CEP72: variants seen among roughly 807,000 people sequenced by gnomAD.
The protein encoded by CEP72 is centrosomal protein of 72 kDa.
In CEP72, 78 loss-of-function variants were observed where a neutral mutation model predicts 65.7. That is an observed-to-expected ratio of 1.19 (90% CI 0.99 to 1.43). The LOEUF is 1.43. Among genes scored for constraint, CEP72 ranks in the 40% most tolerant of loss-of-function variants. The pLI, the probability that CEP72 is intolerant of heterozygous loss-of-function variation, is 0.00. For missense variants in CEP72, 914 were observed against 832.9 expected (o/e 1.10, Z -1.20); for synonymous variants, 358 against 351.7 (o/e 1.02, Z -0.20).
downstream of CEP72, chr5:653,615 A>G (rs1580049877): frequency 6.5e-6 from 1 of 153,026 alleles, no homozygotes; most frequent in African/African-American, 2.4e-5. Context: ...TTTTTTATAG[A>G]ACAAGCTGTG....
chr5:673,324 C>T, the CEP72 span, among the ~76,000 whole-genome samples: 5 of 152,252 alleles, frequency 3.3e-5, no homozygotes, highest in African/African-American at 4.8e-5. Context: ...GTCAGGACCC[C>T]GTGCCAGGAT....
chr5:655,592 T>G, downstream of CEP72: 1 of 126,826 alleles, frequency 7.9e-6, no homozygotes, highest in Admixed American at 8.1e-5. This position sits in a 1 kb window ranked among gnomAD's most constrained non-coding sequence, Gnocchi z 5.0. Flanking sequence ...CCGGTGGGTG[T>G]GGGGTAGTGG....
downstream of CEP72, among the ~76,000 whole-genome samples, chr5:670,830 A>G (rs1233629619): frequency 2.0e-5 from 3 of 152,148 alleles, no homozygotes; most frequent in Admixed American, 6.5e-5. Context: ...GGCCCTGCCT[A>G]TTCTCCCCTC....
intron 4 of CEP72, among the ~76,000 whole-genome samples, chr5:628,003 C>T (rs1337630376): frequency 2.6e-5 from 4 of 152,200 alleles, no homozygotes; most frequent in African/African-American, 9.7e-5. Context: ...TCACTCGGTG[C>T]GTGCAGACAT....
At chr5:633,680 C>A (rs535993734) in intron 4 of CEP72, 89 bp from the exon 5 acceptor site, 1 of 1,262,660 alleles carries the variant, frequency 7.9e-7, no homozygotes, top group Non-Finnish European at 1.1e-6. Context: ...CTCTCAGAGA[C>A]CGTGCAGGAA....
At chr5:635,881 CCTTT>C (rs1737561571) in intron 6 of CEP72, among the ~76,000 whole-genome samples, 1 of 151,650 alleles carries the variant, frequency 6.6e-6, no homozygotes, top group Non-Finnish European at 1.5e-5. Flanking sequence ...CCAGACTCAT[CCTTT>C]ATCAGGAACC....
intron 10 of CEP72, among the ~76,000 whole-genome samples, chr5:646,049 C>T (rs1284334877): frequency 6.6e-6 from 1 of 151,396 alleles, no homozygotes; most frequent in Admixed American, 6.6e-5. Flanking sequence ...ACAGTGAATT[C>T]GGCTTCGTTA....
Position 647,852 on chromosome 5 carries a change from A to C in CEP72, c.1714A>C (p.Lys572Gln). 6.2e-7 allele frequency: 1 copy of C among 1,612,806 alleles called. No individual in the cohort carries two copies. Residue 572 changes from lysine to glutamine, a missense_variant, in exon 11 of 12, where the codon AAG becomes CAG. Coordinates refer to ENST00000264935, the MANE Select transcript of CEP72 (RefSeq NM_018140.4). ...KRLCGEIVEL[K>Q]QHLEHYDKIQ... The stretch of plus-strand genomic sequence containing the variant: ...GCTGTGTGGCGAGATTGTGGAACTG[A>C]AGCAGCACCTGGAGCACTACGACAA...
intron 9 of CEP72, 79 bp downstream of exon 9, chr5:640,683 T>C: frequency 6.7e-7 from 1 of 1,490,242 alleles, no homozygotes; most frequent in Non-Finnish European, 8.9e-7. Flanking sequence ...CGAGGGCAGC[T>C]CCTTGATGCC....
At chr5:626,346 T>G (rs552177749) in intron 4 of CEP72, among the ~76,000 whole-genome samples, 1 of 152,366 alleles carries the variant, frequency 6.6e-6, no homozygotes, top group African/African-American at 2.4e-5. Context: ...CAGCGCAGCC[T>G]TGCGCCTGCT....
intron 9 of CEP72, chr5:642,615 CT>C (rs1021648789): frequency 1.0e-6 from 1 of 985,354 alleles, no homozygotes. Flanking sequence ...TGGACGCCTG[CT>C]TTTTTGCCCT....
In CEP72 at chr5:620,226, T is replaced by A. The variant is rs369147462; in HGVS notation, c.368T>A (p.Phe123Tyr). The change falls in exon 3 of 12, where the codon TTT (phenylalanine) becomes TAT (tyrosine). Residue 123 changes from phenylalanine to tyrosine, a missense_variant. Physicochemically the swap from Phe to Tyr is conservative, Grantham distance 22 (BLOSUM62 3). Coordinates refer to ENST00000264935, the MANE Select transcript of CEP72 (RefSeq NM_018140.4). ...VVKVEPDYRL[F>Y]VVHLLPKLQQ... ...AAGGTTGAGCCTGACTACCGCCTTT[T>A]TGTTGTGCACCTGCTCCCCAAGCTC... 2 of 1,613,976 alleles carry A rather than the reference T, an allele frequency of 1.2e-6. No homozygotes were observed. Among genetic ancestry groups the A allele is most frequent in the Non-Finnish European group, 1.7e-6 (2 of 1,179,932 alleles).
downstream of CEP72, among the ~76,000 whole-genome samples, chr5:654,400 T>C (rs1285736227): frequency 6.7e-6 from 1 of 149,596 alleles, no homozygotes; most frequent in Non-Finnish European, 1.5e-5. Context: ...GCACTTGCTA[T>C]GTGTGTGCTT....
intron 11 of CEP72, among the ~76,000 whole-genome samples, chr5:649,593 C>T (rs1443078928): frequency 1.1e-3 from 84 of 73,340 alleles, no homozygotes; most frequent in Admixed American, 2.3e-3. Context: ...GTGACTGAGG[C>T]GTGACTGTGA....
chr5:622,722 C>T (rs539187605), intron 3 of CEP72, among the ~76,000 whole-genome samples: 1 of 152,298 alleles, frequency 6.6e-6, no homozygotes, highest in East Asian at 1.9e-4. Context: ...ACACTCTTCC[C>T]CCTGGGATGG....
At chr5:671,691 A>G (rs1033469115), downstream of CEP72, among the ~76,000 whole-genome samples, 5 of 152,202 alleles carry the variant, frequency 3.3e-5, no homozygotes, top group Admixed American at 2.6e-4. Flanking sequence ...ACAGACGTCC[A>G]TGGCCAAGGG....
chr5:648,546 G>T (rs1213582170), intron 11 of CEP72, among the ~76,000 whole-genome samples: 4 of 139,592 alleles, frequency 2.9e-5, no homozygotes, highest in East Asian at 2.2e-4. Flanking sequence ...GTGACTGTGA[G>T]GTGTGACTGT....
At chr5:660,972 C>T (rs952705353), downstream of CEP72, 3 of 152,216 alleles carry the variant, frequency 2.0e-5, no homozygotes, top group Non-Finnish European at 4.4e-5. Context: ...TAAAAGTAGT[C>T]CAGTATAAAT....
In CEP72 at chr5:651,298, T is replaced by TG. The variant is rs1210639285; in HGVS notation, c.1779-1689dup. ...GACTGTGAGGTGTGACTGTGAGGTG[T>TG]GACTGTGAGGTGTGACTGTGAGGCG... On this transcript the variant is annotated intron_variant, in intron 11 of 11. Transcript: ENST00000264935. Among the ~76,000 whole-genome samples, 168 of 50,708 alleles carry TG rather than the reference T, an allele frequency of 3.3e-3. 10 individuals carry two copies. Among genetic ancestry groups the TG allele is most frequent in the Middle Eastern group, 0.016 (1 of 64 alleles). 33.3% of individuals were successfully genotyped at this position (50,708 alleles called of 152,430 possible). A position where few individuals can be genotyped will look rare whatever the true frequency, so the allele number is the denominator to read the frequency against.
Sources: allele counts gnomAD v4.1 joint callset (sites outside exome capture counted in the v4.1 genomes callset), GRCh38; gene constraint gnomAD v4.1.1; non-coding constraint Gnocchi (gnomAD v3.1); transcripts MANE v1.5; gene names NCBI Gene and HGNC (gene_info 2026-07-23, HGNC 2026-07-21).